The following AKNA variants were observed in gnomAD, a reference collection of about 807,000 sequenced individuals.
AKNA encodes microtubule organization protein AKNA.
A neutral mutation model predicts 138.8 loss-of-function variants in AKNA; 67 were observed. The ratio of observed to expected loss-of-function variants is 0.48; its 90% confidence interval spans 0.40 to 0.59. The LOEUF is 0.59. AKNA is among the 20% of genes least tolerant of loss of function. The pLI, the probability that AKNA is intolerant of heterozygous loss-of-function variation, is 0.00. For synonymous variants in AKNA, 737 were observed against 754.4 expected, an observed-to-expected ratio of 0.98 and a Z score of 0.38; for missense variants, 1,813 against 1,880.4, an observed-to-expected ratio of 0.96 and a Z score of 0.66.
In AKNA at chr9:114,360,486, A is replaced by G. The variant is rs568708408; in HGVS notation, c.2125-424T>C. Among the ~76,000 whole-genome samples, 18 of 152,258 alleles carry G rather than the reference A, an allele frequency of 1.2e-4. No homozygotes were observed. The East Asian group carries it at 3.3e-3, about 28-fold the overall frequency. ...AGCATGGCCACCCCAGCCCCCTGCA[A>G]TACCTTCAACTGCAGGAGCATGAGG... On this transcript the variant is annotated intron_variant, in intron 9 of 21. Transcript: ENST00000374088.
At chr9:114,333,643 T>C (rs1262003634), downstream of AKNA, among the ~76,000 whole-genome samples, 1 of 137,614 alleles carries the variant, frequency 7.3e-6, no homozygotes, top group African/African-American at 2.9e-5. Context: ...TTTAAAACAA[T>C]ACAAGCAAAC....
chr9:114,355,197 A>G (rs1416636985), intron 14 of AKNA, among the ~76,000 whole-genome samples: 1 of 135,796 alleles, frequency 7.4e-6, no homozygotes, highest in African/African-American at 2.8e-5. Flanking sequence ...TTTTTTTGAT[A>G]CAGAGTCTTG....
chr9:114,353,125 A>T (rs1831248371), intron 14 of AKNA, among the ~76,000 whole-genome samples: 1 of 152,190 alleles, frequency 6.6e-6, no homozygotes, highest in Admixed American at 6.5e-5. Flanking sequence ...TAATTTCAAT[A>T]AATAATTCAT....
At chr9:114,362,044 T>C (rs1421879951) in intron 8 of AKNA, 133 bp from the exon 9 acceptor site, 4 of 923,160 alleles carry the variant, frequency 4.3e-6, no homozygotes, top group African/African-American at 3.3e-5. Flanking sequence ...CTTTAGATGA[T>C]GGTGAGAACT....
chr9:114,371,427 A>C (rs776613746), intron 4 of AKNA, among the ~76,000 whole-genome samples: 1 of 152,246 alleles, frequency 6.6e-6, no homozygotes, highest in Non-Finnish European at 1.5e-5. Context: ...TCTTATTACT[A>C]TAACAGTCAT....
In AKNA at chr9:114,357,952, G is replaced by C. The variant is rs1360856789; in HGVS notation, c.2708C>G (p.Pro903Arg). The change falls in exon 12 of 22, where the codon CCT becomes CGT. Residue 903 changes from proline (P) to arginine (R), a missense_variant. Pro to Arg is a moderately radical substitution (Grantham distance 103, BLOSUM62 -2). Coordinates refer to ENST00000374088, the MANE Select transcript of AKNA (RefSeq NM_001317950.2). ...GTGGGGCCCACCGCCTCGGTGCAAAGGCTTCTGTGGAAGGCGCTCAGAGAT... is the reference window on the plus strand; with the variant it reads ...GTGGGGCCCACCGCCTCGGTGCAAACGCTTCTGTGGAAGGCGCTCAGAGAT... ...SGISERLPQK[P>R]LHRGGGPHLE... 8 of 1,602,002 alleles carry C rather than the reference G, an allele frequency of 5.0e-6. No homozygotes were observed. The Admixed American group carries it at 8.9e-5, about 18-fold the overall frequency.
intron 2 of AKNA, among the ~76,000 whole-genome samples, chr9:114,379,482 G>A (rs1833481422): frequency 6.6e-6 from 1 of 152,204 alleles, no homozygotes; most frequent in Non-Finnish European, 1.5e-5. Context: ...GCTGGAGAGA[G>A]AGCTCAGAAA....
At chr9:114,369,632 T>A (rs1307648213) in intron 4 of AKNA, among the ~76,000 whole-genome samples, 2 of 152,024 alleles carry the variant, frequency 1.3e-5, no homozygotes, top group Non-Finnish European at 2.9e-5. Flanking sequence ...ATCACCATTA[T>A]CTTCACCACC....
intron 1 of AKNA, among the ~76,000 whole-genome samples, chr9:114,382,640 A>G (rs1833772124): frequency 1.3e-5 from 2 of 152,110 alleles, no homozygotes; most frequent in Admixed American, 1.3e-4. Flanking sequence ...ATTGAAAAAC[A>G]GGTGCTCAAA....
Position 114,377,111 on chromosome 9 carries a change from T to C in AKNA, c.696A>G (p.Ala232=), listed in dbSNP as rs1833289166. 2 of 1,614,050 alleles carry C rather than the reference T, an allele frequency of 1.2e-6. No individual in the cohort carries two copies. Among genetic ancestry groups the C allele is most frequent in the Non-Finnish European group, 1.7e-6 (2 of 1,180,020 alleles). ...GGCTGGGGCCCTCTGGCAAGGTTTC[T>C]GCCAGGGCAGTGGGCTGGGGGCCAT... ...ETDGPQPTAL[A]ETLPEGPSHH... is the part of the protein sequence containing the mutation. The change falls in exon 3 of 22, where the codon GCA becomes GCG. Residue 232 remains alanine, a synonymous_variant. Transcript: ENST00000374088.
At chr9:114,372,490 G>T (rs1162497708) in intron 4 of AKNA, among the ~76,000 whole-genome samples, 1 of 152,200 alleles carries the variant, frequency 6.6e-6, no homozygotes, top group Non-Finnish European at 1.5e-5. Flanking sequence ...CTTACAAAGT[G>T]CCTGCCTAGT....
chr9:114,369,008 TATAAC>T (rs1181129117), intron 4 of AKNA, among the ~76,000 whole-genome samples: 3 of 152,240 alleles, frequency 2.0e-5, no homozygotes, highest in African/African-American at 7.2e-5. Flanking sequence ...TAATATACCA[TATAAC>T]ATATAATTAT....
At position 114,373,885 on chromosome 9, in the gene AKNA, C is replaced by CAAAAAAAAA. The variant is rs758805914; in HGVS notation, c.1416+199_1416+207dup. ...TAGGTGACAGAGCAAGACCCTGACT[C>CAAAAAAAAA]AAAAAAAAAAAAAAAAAAAAAAGCC... On this transcript the variant is annotated intron_variant, in intron 4 of 21. Coordinates refer to ENST00000374088, the MANE Select transcript of AKNA (RefSeq NM_001317950.2). Among the ~76,000 whole-genome samples, 5 of 79,008 alleles carry CAAAAAAAAA rather than the reference C, an allele frequency of 6.3e-5. 2 individuals carry two copies. The highest frequency in any genetic ancestry group is 1.1e-4 in the African/African-American group (2 of 17,936). 51.8% of individuals were successfully genotyped at this position (79,008 alleles called of 152,430 possible). A position where few individuals can be genotyped will look rare whatever the true frequency, so the allele number is the denominator to read the frequency against.
chr9:114,395,304 G>GT (rs1163920175), upstream of AKNA, among the ~76,000 whole-genome samples: 1 of 152,098 alleles, frequency 6.6e-6, no homozygotes, highest in African/African-American at 2.4e-5. Flanking sequence ...AGGAGCTTCT[G>GT]TTAGCCTCCT....
intron 14 of AKNA, among the ~76,000 whole-genome samples, chr9:114,351,989 T>C (rs1256836665): frequency 1.3e-5 from 2 of 152,216 alleles, no homozygotes; most frequent in Non-Finnish European, 2.9e-5. Context: ...GGTTACATAG[T>C]ATATGATTCT....
At chr9:114,357,032 C>T in intron 12 of AKNA, 63 bp from the exon 13 acceptor site, 3 of 1,471,638 alleles carry the variant, frequency 2.0e-6, no homozygotes, top group Non-Finnish European at 1.8e-6. Context: ...GGAAGCCCTT[C>T]CCAAATCGTG....
At chr9:114,369,554 G>C (rs1832611402) in intron 4 of AKNA, among the ~76,000 whole-genome samples, 1 of 152,154 alleles carries the variant, frequency 6.6e-6, no homozygotes, top group Admixed American at 6.5e-5. Flanking sequence ...CTGAGTCCTA[G>C]TTGGTTTAAT....
In AKNA at chr9:114,381,882, C is replaced by A. The variant is rs537003799; in HGVS notation, c.-113-436G>T. On this transcript the variant is annotated intron_variant, in intron 1 of 21. Coordinates refer to ENST00000374088, the MANE Select transcript of AKNA (RefSeq NM_001317950.2). ...GCGAGGCTGGTCTCGAACTCCTGACCTTGTGATCCACCCGCCTTGGCCTCC... is the reference window on the plus strand; with the variant it reads ...GCGAGGCTGGTCTCGAACTCCTGACATTGTGATCCACCCGCCTTGGCCTCC... Among the ~76,000 whole-genome samples, 728 of 152,182 alleles carry A rather than the reference C, an allele frequency of 4.8e-3. 5 individuals are homozygous for A. The highest frequency in any genetic ancestry group is 0.016 in the African/African-American group (685 of 41,532).
intron 14 of AKNA, among the ~76,000 whole-genome samples, chr9:114,352,475 T>C (rs1382641211): frequency 2.0e-5 from 3 of 151,558 alleles, no homozygotes; most frequent in Non-Finnish European, 4.4e-5. Context: ...TGCATACCTG[T>C]AGTCCCAGCT....
Sources: allele counts gnomAD v4.1 joint callset (sites outside exome capture counted in the v4.1 genomes callset), GRCh38; gene constraint gnomAD v4.1.1; transcripts MANE v1.5; gene names NCBI Gene and HGNC (gene_info 2026-07-23, HGNC 2026-07-21).